Variants in AKNA observed in about 807,000 individuals in gnomAD.
The protein encoded by AKNA is microtubule organization protein AKNA.
A neutral mutation model predicts 138.8 loss-of-function variants in AKNA; 67 were observed. The ratio of observed to expected loss-of-function variants is 0.48; its 90% CI spans 0.40 to 0.59. The LOEUF is 0.59. Among genes scored for constraint, AKNA ranks in the 20% least tolerant of loss-of-function variants. The probability of loss-of-function intolerance (pLI) is 0.00; values close to 1 mark genes in which losing one functional copy is unlikely to be tolerated. For synonymous variants in AKNA, 737 were observed against 754.4 expected (o/e 0.98, Z 0.38); for missense variants, 1,813 against 1,880.4 (o/e 0.96, Z 0.66).
intron 16 of AKNA, among the ~76,000 whole-genome samples, chr9:114,347,134 A>G (rs897887190): frequency 2.0e-5 from 3 of 152,216 alleles, no homozygotes; most frequent in African/African-American, 7.2e-5. Context: ...CACCGAATTA[A>G]TGGGTGAGAG....
Position 114,342,105 on chromosome 9 carries a change from G to A in AKNA, c.3778C>T (p.Pro1260Ser), listed in dbSNP as rs1308530503. 1 of 1,603,042 alleles carries A rather than the reference G, an allele frequency of 6.2e-7. No homozygotes were observed. The highest frequency in any genetic ancestry group is 1.7e-5 in the Admixed American group (1 of 57,348). ...GTATCAGCGGGAGGCGGTCCCAGTG[G>A]GTCCCCTGTGACAGCACCACCTAGA... ...QDAGGAVTGD[P>S]LGPPPADTLQ... Residue 1260 changes from proline to serine, a missense_variant, in exon 20 of 22, where the codon CCA becomes TCA. Pro to Ser is a moderately conservative substitution (Grantham distance 74). Coordinates refer to ENST00000374088, the MANE Select transcript of AKNA (RefSeq NM_001317950.2).
At chr9:114,337,913 G>A (rs780841955) in intron 21 of AKNA, among the ~76,000 whole-genome samples, 32 of 152,212 alleles carry the variant, frequency 2.1e-4, no homozygotes, top group Admixed American at 7.9e-4. Context: ...TTGTTTTAAA[G>A]TGCTGTGGGA....
intron 1 of AKNA, among the ~76,000 whole-genome samples, chr9:114,384,472 G>T (rs1394919440): frequency 2.0e-5 from 3 of 152,066 alleles, no homozygotes; most frequent in Non-Finnish European, 4.4e-5. Context: ...AACCACACAG[G>T]TCTACCTATA....
chr9:114,353,357 G>A (rs1450764805), intron 14 of AKNA, among the ~76,000 whole-genome samples: 2 of 151,742 alleles, frequency 1.3e-5, no homozygotes, highest in Non-Finnish European at 2.9e-5. Context: ...CTCCGCCCCC[G>A]GGTTTAAGCC....
At chr9:114,332,857 A>G (rs1829882061), downstream of AKNA, among the ~76,000 whole-genome samples, 2 of 152,274 alleles carry the variant, frequency 1.3e-5, 1 homozygote, top group East Asian at 3.9e-4. Context: ...TAAGGGTCTG[A>G]GCTCCCATTG....
intron 11 of AKNA, among the ~76,000 whole-genome samples, chr9:114,358,665 T>C (rs1246360313): frequency 6.6e-6 from 1 of 151,994 alleles, no homozygotes; most frequent in Non-Finnish European, 1.5e-5. Flanking sequence ...TCTCTCTCTC[T>C]CTTTTTCCAC....
In AKNA at chr9:114,377,075, TAGG is replaced by T. The variant is rs776820715; in HGVS notation, c.729_731del (p.Leu244del). The stretch of plus-strand genomic sequence containing the variant: ...TGCCTCCAGTTCTGCCATCTGGGCT[TAGG>T]AGGTGGTGGCTGGGGCCCTCTGGCA... On this transcript the variant is annotated inframe_deletion, in exon 3 of 22. Transcript: ENST00000374088. The T allele has an allele frequency of 1.2e-6, 2 of 1,614,050 alleles. No homozygotes were observed. The highest frequency in any genetic ancestry group is 2.2e-5 in the South Asian group (2 of 91,080).
intron 6 of AKNA, 60 bp downstream of exon 6, chr9:114,367,483 A>G (rs1832447856): frequency 1.0e-5 from 16 of 1,582,844 alleles, no homozygotes; most frequent in Non-Finnish European, 1.4e-5. Flanking sequence ...AAGCAGGCAG[A>G]GGTTCTGTGT....
At position 114,362,386 on chromosome 9, in the gene AKNA, C is replaced by G. The variant is rs754513399; in HGVS notation, c.1916+20G>C. 3 of 1,603,420 alleles carry G rather than the reference C, an allele frequency of 1.9e-6. No individual in the cohort carries two copies. Among genetic ancestry groups the G allele is most frequent in the Non-Finnish European group, 2.6e-6 (3 of 1,174,624 alleles). On this transcript the variant is annotated intron_variant, in intron 8 of 21. Transcript: ENST00000374088. Reference sequence around the variant, plus strand: ...GGCCCATCCCATCTGTCCTTCCAGGCCTTCCACCCCAGCAGGTACCTGCGA... The same window carrying G: ...GGCCCATCCCATCTGTCCTTCCAGGGCTTCCACCCCAGCAGGTACCTGCGA...
intron 18 of AKNA, chr9:114,344,129 G>T (rs1830529979): frequency 4.2e-6 from 1 of 239,846 alleles, no homozygotes; most frequent in East Asian, 1.1e-4. Flanking sequence ...GCTAAGTCAG[G>T]ATTTGAAAGC....
chr9:114,358,262 G>C, intron 11 of AKNA, 95 bp from the exon 12 acceptor site: 1 of 1,535,736 alleles, frequency 6.5e-7, no homozygotes, highest in Non-Finnish European at 8.8e-7. Flanking sequence ...CAGGGCACAA[G>C]CTCTGGAGTC....
At chr9:114,354,712 CAAAAA>C (rs1214629422) in intron 14 of AKNA, among the ~76,000 whole-genome samples, 1 of 66,274 alleles carries the variant, frequency 1.5e-5, no homozygotes. Context: ...GACTCTGTCT[CAAAAA>C]AAAAAAAAAA....
At chr9:114,353,752 T>C (rs899584032) in intron 14 of AKNA, among the ~76,000 whole-genome samples, 4 of 152,234 alleles carry the variant, frequency 2.6e-5, no homozygotes, top group Non-Finnish European at 5.9e-5. Flanking sequence ...CTGAATACTG[T>C]AGGTATCTGT....
intron 4 of AKNA, among the ~76,000 whole-genome samples, chr9:114,369,343 CTGTT>C (rs1312868669): frequency 2.0e-5 from 3 of 152,192 alleles, no homozygotes; most frequent in Admixed American, 6.5e-5. Context: ...ACAGCCATGC[CTGTT>C]TGTTTATGTG....
In AKNA at chr9:114,337,009, A is replaced by T; in HGVS notation, c.*45T>A. On this transcript the variant is annotated 3_prime_UTR_variant, in exon 22 of 22. Transcript: ENST00000374088. ...CAGCCCACTCCTGGCCTGGCAGGCCACCTGCCCACCCACCCACCCATCTGC... is the reference window on the plus strand; with the variant it reads ...CAGCCCACTCCTGGCCTGGCAGGCCTCCTGCCCACCCACCCACCCATCTGC... 25 of 1,237,304 alleles carry T rather than the reference A, an allele frequency of 2.0e-5. No homozygotes were observed. The highest frequency in any genetic ancestry group is 2.4e-5 in the Non-Finnish European group (22 of 935,914). 76.6% of individuals were successfully genotyped at this position (1,237,304 alleles called of 1,614,324 possible).
At chr9:114,352,708 G>T (rs1002168408) in intron 14 of AKNA, among the ~76,000 whole-genome samples, 3 of 152,144 alleles carry the variant, frequency 2.0e-5, no homozygotes, top group East Asian at 3.9e-4. Context: ...GGGTCACAAG[G>T]TCAGGAGTTC....
chr9:114,355,217 C>G (rs1831407519), intron 14 of AKNA, among the ~76,000 whole-genome samples: 1 of 150,130 alleles, frequency 6.7e-6, no homozygotes, highest in South Asian at 2.1e-4. Flanking sequence ...GCTCTGTCAC[C>G]CAGGCTGGAG....
chr9:114,364,517 G>A (rs753504989), intron 7 of AKNA, 43 bp downstream of exon 7: 4 of 1,599,060 alleles, frequency 2.5e-6, no homozygotes, highest in Non-Finnish European at 1.7e-6. Flanking sequence ...GGAGACAGTG[G>A]TTGTCTGGCA....
intron 2 of AKNA, among the ~76,000 whole-genome samples, chr9:114,379,341 C>T (rs139823128): frequency 6.6e-6 from 1 of 152,384 alleles, no homozygotes; most frequent in East Asian, 1.9e-4. Context: ...CCTGCCCAGC[C>T]CTGTGCCTGG....
Sources: allele counts gnomAD v4.1 joint callset (sites outside exome capture counted in the v4.1 genomes callset), GRCh38; gene constraint gnomAD v4.1.1; transcripts MANE v1.5; gene names NCBI Gene and HGNC (gene_info 2026-07-23, HGNC 2026-07-21).